Variants in ABHD3 observed in about 807,000 individuals in gnomAD.
ABHD3 encodes phospholipase ABHD3.
In ABHD3, 46 loss-of-function variants were observed where a neutral mutation model predicts 48.8. The observed-to-expected ratio is 0.94, with a 90% CI of 0.74 to 1.20. The LOEUF (loss-of-function observed/expected upper bound fraction) is 1.20, where lower values mean the gene tolerates loss of function less well. ABHD3 is among the 50% of genes most tolerant of loss of function. The probability of loss-of-function intolerance (pLI) is 0.00; values close to 1 mark genes in which losing one functional copy is unlikely to be tolerated. For synonymous variants in ABHD3, 192 were observed against 183.7 expected (o/e 1.04, Z -0.36); for missense variants, 490 against 497.8 (o/e 0.98, Z 0.15).
At chr18:21,668,165 C>T (rs1185037196) in intron 4 of ABHD3, among the ~76,000 whole-genome samples, 2 of 142,086 alleles carry the variant, frequency 1.4e-5, no homozygotes, top group Admixed American at 1.5e-4. Context: ...CACACCACTG[C>T]ACTCCACCCT....
chr18:21,703,033 A>G (rs1030848004), intron 2 of ABHD3, among the ~76,000 whole-genome samples: 1 of 152,196 alleles, frequency 6.6e-6, no homozygotes, highest in Non-Finnish European at 1.5e-5. Flanking sequence ...AAACTCCAGA[A>G]GGATAGATGA....
At chr18:21,669,183 T>C (rs1377453098) in intron 4 of ABHD3, among the ~76,000 whole-genome samples, 1 of 152,142 alleles carries the variant, frequency 6.6e-6, no homozygotes, top group African/African-American at 2.4e-5. Flanking sequence ...ACTCCAGCCT[T>C]GGTGACAGAC....
intron 4 of ABHD3, among the ~76,000 whole-genome samples, chr18:21,674,053 G>C (rs961969135): frequency 1.3e-4 from 20 of 152,168 alleles, no homozygotes; most frequent in African/African-American, 3.9e-4. Flanking sequence ...TGAGTGACTT[G>C]GGAGAAGGGA....
chr18:21,697,578 G>A (rs1454887363), intron 3 of ABHD3, among the ~76,000 whole-genome samples: 4 of 151,756 alleles, frequency 2.6e-5, no homozygotes, highest in East Asian at 1.9e-4. Context: ...ACAAGGTTTC[G>A]CCATGTTGGC....
In ABHD3 at chr18:21,679,491, T is replaced by C. The variant is rs147989767; in HGVS notation, c.555+4429A>G. Among the ~76,000 whole-genome samples the C allele has an allele frequency of 7.0e-4, 106 of 152,358 alleles. 2 individuals carry two copies. The highest frequency in any genetic ancestry group is 2.4e-3 in the African/African-American group (101 of 41,596). ...ATCTAACGAGTTAATACAGTAGTAG[T>C]TATGCCTTGGGTTATAAAAAACTTT... On this transcript the variant is annotated intron_variant, in intron 4 of 8. Transcript: ENST00000289119.
chr18:21,686,298 A>G (rs1340333118), intron 3 of ABHD3, among the ~76,000 whole-genome samples: 1 of 152,242 alleles, frequency 6.6e-6, no homozygotes, highest in East Asian at 1.9e-4. Context: ...CACTTAAGTC[A>G]CACAGGAACC....
intron 4 of ABHD3, chr18:21,683,449 A>T (rs2040053033): frequency 2.5e-6 from 1 of 404,488 alleles, no homozygotes; most frequent in East Asian, 8.2e-5. Flanking sequence ...TCATAAGTGG[A>T]AAAAAAATCA....
intron 4 of ABHD3, among the ~76,000 whole-genome samples, chr18:21,668,352 C>T (rs1598523911): frequency 1.3e-5 from 2 of 152,108 alleles, no homozygotes; most frequent in African/African-American, 4.8e-5. Flanking sequence ...TCACACTGCA[C>T]AGCTTTAAAA....
At chr18:21,664,464 G>A in intron 4 of ABHD3, 1 of 436,834 alleles carries the variant, frequency 2.3e-6, no homozygotes, top group East Asian at 4.1e-5. Flanking sequence ...ATGCAAGGAA[G>A]GCTTGATGCA....
intron 5 of ABHD3, 25 bp from the exon 6 acceptor site, chr18:21,659,368 T>G: frequency 6.3e-7 from 1 of 1,592,312 alleles, no homozygotes; most frequent in South Asian, 1.1e-5. Flanking sequence ...AACAGGAAAC[T>G]CAGTGATTAA....
intron 5 of ABHD3, among the ~76,000 whole-genome samples, chr18:21,661,271 T>G (rs147922539): frequency 1.3e-5 from 2 of 152,234 alleles, no homozygotes; most frequent in Non-Finnish European, 2.9e-5. Context: ...TGTATGATAG[T>G]TTGAAATTAG....
chr18:21,703,824 T>G (rs113903147), intron 1 of ABHD3, 77 bp from the exon 2 acceptor site: 3 of 1,517,842 alleles, frequency 2.0e-6, no homozygotes, highest in Admixed American at 1.9e-5. Context: ...CGGCAAAGAC[T>G]TGTCGCTCGC....
At chr18:21,692,962 G>C (rs963651899) in intron 3 of ABHD3, among the ~76,000 whole-genome samples, 1 of 152,198 alleles carries the variant, frequency 6.6e-6, no homozygotes, top group African/African-American at 2.4e-5. Flanking sequence ...CAAACTCAGA[G>C]ACATGGATTA....
intron 4 of ABHD3, among the ~76,000 whole-genome samples, chr18:21,680,121 C>T (rs1239253815): frequency 6.6e-6 from 1 of 151,976 alleles, no homozygotes; most frequent in Non-Finnish European, 1.5e-5. Flanking sequence ...TCAAATGATT[C>T]TCCTGCCTCA....
chr18:21,697,176 A>G (rs953404347), intron 3 of ABHD3, among the ~76,000 whole-genome samples: 1 of 151,284 alleles, frequency 6.6e-6, no homozygotes, highest in Non-Finnish European at 1.5e-5. Context: ...CCCAGGTTCA[A>G]GTGATTCTTC....
chr18:21,666,121 C>G (rs1175570235), intron 4 of ABHD3, among the ~76,000 whole-genome samples: 1 of 151,972 alleles, frequency 6.6e-6, no homozygotes, highest in African/African-American at 2.4e-5. Context: ...TACCCCTCTG[C>G]CTCCTGGGTT....
chr18:21,681,435 C>T (rs76388268), intron 4 of ABHD3, among the ~76,000 whole-genome samples: 3,015 of 152,080 alleles, frequency 0.02, 98 homozygotes, highest in African/African-American at 0.066. Flanking sequence ...TTTGTTCTCT[C>T]GTCTTTATTC....
At chr18:21,689,864 T>C (rs2040208977) in intron 3 of ABHD3, among the ~76,000 whole-genome samples, 1 of 152,024 alleles carries the variant, frequency 6.6e-6, no homozygotes, top group Non-Finnish European at 1.5e-5. Flanking sequence ...AACTATCTAA[T>C]AAAGCAAACA....
At chr18:21,692,415 C>T (rs2040272744) in intron 3 of ABHD3, among the ~76,000 whole-genome samples, 1 of 152,076 alleles carries the variant, frequency 6.6e-6, no homozygotes, top group Non-Finnish European at 1.5e-5. Context: ...TGGCATGGGG[C>T]CTATCATGTG....
Sources: allele counts gnomAD v4.1 joint callset (sites outside exome capture counted in the v4.1 genomes callset), GRCh38; gene constraint gnomAD v4.1.1; transcripts MANE v1.5; gene names NCBI Gene and HGNC (gene_info 2026-07-23, HGNC 2026-07-21).